KCND2: variants seen among roughly 807,000 people sequenced by gnomAD.
The protein encoded by KCND2 is potassium voltage-gated channel subfamily D member 2, also known as A-type voltage-gated potassium channel KCND2.
In KCND2, 16 loss-of-function variants were observed where a neutral mutation model predicts 54.4. The observed-to-expected ratio is 0.29, with a 90% CI of 0.20 to 0.45. The LOEUF is 0.45. KCND2 is among the 20% of genes least tolerant of loss of function. KCND2 has a pLI of 1.00. For synonymous variants in KCND2, 317 were observed against 310.7 expected (o/e 1.02, Z -0.21); for missense variants, 486 against 824.2 (o/e 0.59, Z 5.02).
chr7:120,561,851 A>T (rs1792239163), intron 1 of KCND2, among the ~76,000 whole-genome samples: 1 of 152,034 alleles, frequency 6.6e-6, no homozygotes, highest in Non-Finnish European at 1.5e-5. Flanking sequence ...ACCTCAGGTG[A>T]TCCACCTGCC....
At chr7:120,342,257 G>A (rs1455129647) in intron 1 of KCND2, among the ~76,000 whole-genome samples, 2 of 151,996 alleles carry the variant, frequency 1.3e-5, no homozygotes, top group South Asian at 2.1e-4. Context: ...CTCTGGAATG[G>A]GATAAAAATA....
At chr7:120,669,622 T>C (rs1481081335) in intron 1 of KCND2, among the ~76,000 whole-genome samples, 1 of 152,126 alleles carries the variant, frequency 6.6e-6, no homozygotes, top group East Asian at 1.9e-4. Flanking sequence ...AAAAGTTTAA[T>C]GATTTCCGAA....
In KCND2 at chr7:120,641,580, G is replaced by A. The variant is rs1311909040; in HGVS notation, c.1116-91323G>A. ...AGCACTCCAGGAGAAATGCCCCCCA[G>A]ATGCAGTGGGCTGAAGGATAAAACT... On this transcript the variant is annotated intron_variant, in intron 1 of 5. Coordinates refer to ENST00000331113, the MANE Select transcript of KCND2 (RefSeq NM_012281.3). Among the ~76,000 whole-genome samples the A allele has an allele frequency of 4.6e-5, 7 of 152,242 alleles. No homozygotes were observed. In the East Asian group the frequency reaches 1.4e-3, roughly 29 times the overall value.
rs1799112385 is a variant in KCND2 at position 120,273,436 on chromosome 7, A to AGCCCCGCCGCCCCGCC, written c.-1190_-1189insCGCCCCGCCGCCCCGC. Reference sequence around the variant, plus strand: ...CCGCCCCGCAGCCCCGCCGCCCCGCAGCCCCGCACCGCGCTGGCCAGGCTC... The same window carrying AGCCCCGCCGCCCCGCC: ...CCGCCCCGCAGCCCCGCCGCCCCGCAGCCCCGCCGCCCCGCCGCCCCGCACCGCGCTGGCCAGGCTC... On this transcript the variant is annotated 5_prime_UTR_variant, in exon 1 of 6. It removes the in-frame stop codon of an upstream open reading frame in the 5' UTR. Transcript: ENST00000331113. Among the ~76,000 whole-genome samples, 1 of 144,926 alleles carries AGCCCCGCCGCCCCGCC rather than the reference A, an allele frequency of 6.9e-6. No individual in the cohort carries two copies. Among genetic ancestry groups the AGCCCCGCCGCCCCGCC allele is most frequent in the Non-Finnish European group, 1.5e-5 (1 of 65,812 alleles).
Position 120,444,892 on chromosome 7 carries a change from A to C in KCND2, c.1115+169145A>C, listed in dbSNP as rs951439361. On this transcript the variant is annotated intron_variant, in intron 1 of 5. Coordinates refer to ENST00000331113, the MANE Select transcript of KCND2 (RefSeq NM_012281.3). ...CAATGAAATTCATATGGTAAAATTA[A>C]CACTTACCTCAGTGGAAGCACGACC... Among the ~76,000 whole-genome samples the C allele has an allele frequency of 9.9e-4, 150 of 152,242 alleles. 1 individual carries two copies. Among genetic ancestry groups the C allele is most frequent in the Admixed American group, 9.6e-3 (147 of 15,268 alleles).
intron 1 of KCND2, among the ~76,000 whole-genome samples, chr7:120,488,946 C>T (rs542347976): frequency 2.9e-4 from 44 of 152,162 alleles, no homozygotes; most frequent in African/African-American, 1.0e-3. Flanking sequence ...CCAATTTTCT[C>T]CTACCATTTC....
intron 1 of KCND2, among the ~76,000 whole-genome samples, chr7:120,545,778 A>T (rs1330634690): frequency 1.3e-5 from 2 of 151,758 alleles, no homozygotes; most frequent in Non-Finnish European, 1.5e-5. Flanking sequence ...AGCAATTTTT[A>T]AAAAATATTT....
At chr7:120,600,864 A>G (rs1028187607) in intron 1 of KCND2, among the ~76,000 whole-genome samples, 1 of 152,088 alleles carries the variant, frequency 6.6e-6, no homozygotes. Flanking sequence ...TGAATCAGTA[A>G]ATCAATGGTC....
chr7:120,431,658 T>C (rs769909394), intron 1 of KCND2, among the ~76,000 whole-genome samples: 26 of 152,208 alleles, frequency 1.7e-4, no homozygotes, highest in Non-Finnish European at 3.4e-4. Context: ...TCAGTATTAT[T>C]TTTTGTTTCC....
intron 1 of KCND2, among the ~76,000 whole-genome samples, chr7:120,725,690 C>T (rs547303952): frequency 6.6e-6 from 1 of 152,250 alleles, no homozygotes; most frequent in South Asian, 2.1e-4. Flanking sequence ...TTCAGCAATT[C>T]CTTCGTGCAT....
chr7:120,554,576 T>C (rs1196621465), intron 1 of KCND2, among the ~76,000 whole-genome samples: 1 of 151,980 alleles, frequency 6.6e-6, no homozygotes, highest in Non-Finnish European at 1.5e-5. Context: ...TACTGGCTAA[T>C]TTTTTGTATT....
intron 1 of KCND2, among the ~76,000 whole-genome samples, chr7:120,628,580 C>T (rs773340431): frequency 2.6e-5 from 4 of 152,132 alleles, no homozygotes; most frequent in Admixed American, 2.0e-4. Context: ...AATATGTAAT[C>T]GAATGAACTA....
intron 1 of KCND2, among the ~76,000 whole-genome samples, chr7:120,385,430 T>C (rs942080945): frequency 2.0e-5 from 3 of 152,118 alleles, no homozygotes; most frequent in East Asian, 3.9e-4. Context: ...GTTGGTCGAA[T>C]AAGTGACTTT....
chr7:120,523,748 A>G (rs73437849), intron 1 of KCND2, among the ~76,000 whole-genome samples: 1,607 of 112,712 alleles, frequency 0.014, 37 homozygotes, highest in African/African-American at 0.059. Context: ...GTGTGTGTGT[A>G]TGTCTTTGGC....
At chr7:120,704,214 T>C (rs1792437957) in intron 1 of KCND2, among the ~76,000 whole-genome samples, 3 of 152,170 alleles carry the variant, frequency 2.0e-5, no homozygotes, top group East Asian at 1.9e-4. Flanking sequence ...CAAAAATCAA[T>C]ATCAATGTAA....
intron 1 of KCND2, among the ~76,000 whole-genome samples, chr7:120,548,351 C>T (rs1298636106): frequency 1.3e-5 from 2 of 152,098 alleles, no homozygotes. Flanking sequence ...ACTGCAGAAA[C>T]CATTTCCTTC....
intron 1 of KCND2, among the ~76,000 whole-genome samples, chr7:120,636,164 C>G (rs1267054674): frequency 6.6e-6 from 1 of 151,906 alleles, no homozygotes; most frequent in Admixed American, 6.6e-5. Flanking sequence ...TTATAGTTAA[C>G]ATATATATTG....
intron 1 of KCND2, among the ~76,000 whole-genome samples, chr7:120,595,926 G>T (rs1358949434): frequency 3.3e-5 from 5 of 151,922 alleles, no homozygotes; most frequent in Non-Finnish European, 7.4e-5. Flanking sequence ...AGGCAGGCAG[G>T]AAGGAAGGGG....
intron 1 of KCND2, among the ~76,000 whole-genome samples, chr7:120,318,804 GC>G (rs1314843438): frequency 6.6e-6 from 1 of 151,990 alleles, no homozygotes; most frequent in Non-Finnish European, 1.5e-5. Flanking sequence ...TCAGAAGATG[GC>G]TTTTCACATG....
Sources: allele counts gnomAD v4.1 joint callset (sites outside exome capture counted in the v4.1 genomes callset), GRCh38; gene constraint gnomAD v4.1.1; transcripts MANE v1.5; gene names NCBI Gene and HGNC (gene_info 2026-07-23, HGNC 2026-07-21).